HEPHL1: variants seen among roughly 807,000 people sequenced by gnomAD.
HEPHL1 encodes ferroxidase HEPHL1.
HEPHL1 carries 123 observed loss-of-function variants against 122.0 expected under a neutral mutation model. The ratio of observed to expected loss-of-function variants is 1.01; its 90% CI spans 0.87 to 1.17. The LOEUF is 1.17. HEPHL1 is among the 50% of genes most tolerant of loss of function. HEPHL1 has a pLI of 0.00. For synonymous variants in HEPHL1, 527 were observed against 508.9 expected, an observed-to-expected ratio of 1.04 and a Z score of -0.48; for missense variants, 1,452 against 1,430.5, an observed-to-expected ratio of 1.01 and a Z score of -0.24.
At position 94,038,090 on chromosome 11, in the gene HEPHL1, C is replaced by T. The variant is rs988887375; in HGVS notation, c.171-7583C>T. Among the ~76,000 whole-genome samples, 145 of 148,614 alleles carry T rather than the reference C, an allele frequency of 9.8e-4. 1 individual carries two copies. Among genetic ancestry groups the T allele is most frequent in the African/African-American group, 1.5e-3 (59 of 39,790 alleles). On this transcript the variant is annotated intron_variant, in intron 1 of 19. Transcript: ENST00000315765. Reference sequence around the variant, plus strand: ...TGAAGAATGCAGAAGCCTCAGGAGCCGATGCGATCGACTGGAAGAAAGGGT... The same window carrying T: ...TGAAGAATGCAGAAGCCTCAGGAGCTGATGCGATCGACTGGAAGAAAGGGT...
Position 94,096,724 on chromosome 11 carries a change from A to G in HEPHL1, c.2434+3084A>G, listed in dbSNP as rs538774131. ...CGTTATTGGTCTATTCAGTAATTCA[A>G]CTTCTTCCTGGTTTAGTCTTGGGAG... On this transcript the variant is annotated intron_variant, in intron 13 of 19. Transcript: ENST00000315765. Among the ~76,000 whole-genome samples, 3 of 152,268 alleles carry G rather than the reference A, an allele frequency of 2.0e-5. No individual in the cohort carries two copies. In the South Asian group the frequency reaches 6.2e-4, roughly 32 times the overall value.
At chr11:94,072,722 T>G (rs1424366788) in intron 6 of HEPHL1, among the ~76,000 whole-genome samples, 2 of 152,130 alleles carry the variant, frequency 1.3e-5, no homozygotes, top group East Asian at 3.8e-4. Context: ...TTTGTTACTT[T>G]GTAGAACACC....
At chr11:94,066,418 G>A (rs556690243) in intron 4 of HEPHL1, among the ~76,000 whole-genome samples, 1 of 152,102 alleles carries the variant, frequency 6.6e-6, no homozygotes, top group Non-Finnish European at 1.5e-5. Flanking sequence ...GCTGGTCATG[G>A]TGGTGGGCAC....
At chr11:94,103,128 A>T (rs1422908721) in intron 15 of HEPHL1, 108 bp downstream of exon 15, 2 of 706,164 alleles carry the variant, frequency 2.8e-6, no homozygotes, top group Middle Eastern at 2.3e-4. Flanking sequence ...AATGATTTAG[A>T]GCAAGGGTCT....
At chr11:94,036,126 T>C (rs529436745) in intron 1 of HEPHL1, among the ~76,000 whole-genome samples, 7 of 152,382 alleles carry the variant, frequency 4.6e-5, no homozygotes, top group Admixed American at 2.0e-4. Context: ...CTTAAGGGCG[T>C]ATTTCATTAG....
At chr11:94,054,117 T>C (rs755579700) in intron 2 of HEPHL1, among the ~76,000 whole-genome samples, 10 of 152,196 alleles carry the variant, frequency 6.6e-5, no homozygotes, top group Non-Finnish European at 1.2e-4. Flanking sequence ...CTGAGTGTCA[T>C]TTATTAACAA....
intron 6 of HEPHL1, among the ~76,000 whole-genome samples, chr11:94,072,174 G>A (rs918463716): frequency 4.6e-5 from 7 of 152,064 alleles, no homozygotes; most frequent in African/African-American, 1.4e-4. Flanking sequence ...TGACCATTAT[G>A]GCTTACTTTT....
intron 13 of HEPHL1, among the ~76,000 whole-genome samples, chr11:94,100,159 C>T (rs117061748): frequency 2.6e-5 from 4 of 152,056 alleles, no homozygotes; most frequent in African/African-American, 9.7e-5. Context: ...GGAACTACCC[C>T]CTAAGAATAT....
rs188937234 is a variant in HEPHL1, at chr11:94,112,282, T to C, written c.*388T>C. 1 of 157,358 alleles carries C rather than the reference T, an allele frequency of 6.4e-6. No homozygotes were observed. The highest frequency in any genetic ancestry group is 2.4e-5 in the African/African-American group (1 of 41,710). 9.7% of individuals were successfully genotyped at this position (157,358 alleles called of 1,614,324 possible). ...CTAGGTGAACAGCTTCTAGAAAAAG[T>C]TAGAGTGCCTCAGACATTTAACTGG... On this transcript the variant is annotated 3_prime_UTR_variant, in exon 20 of 20. Transcript: ENST00000315765.
At chr11:94,070,793 G>A (rs1388671594) in intron 6 of HEPHL1, among the ~76,000 whole-genome samples, 2 of 152,102 alleles carry the variant, frequency 1.3e-5, no homozygotes, top group African/African-American at 2.4e-5. Flanking sequence ...AACATTTCTT[G>A]AGTAGGCACT....
chr11:94,039,285 C>A (rs536375454), intron 1 of HEPHL1, among the ~76,000 whole-genome samples: 1,502 of 148,950 alleles, frequency 0.01, 26 homozygotes, highest in African/African-American at 0.035. Flanking sequence ...GACTTTAACA[C>A]CTCACTGTCA....
At chr11:94,067,898 C>T in intron 5 of HEPHL1, 148 bp downstream of exon 5, 3 of 664,868 alleles carry the variant, frequency 4.5e-6, no homozygotes, top group South Asian at 2.1e-5. Context: ...AAATATAACG[C>T]TCATCTCTTT....
chr11:94,063,556 T>TG lies in HEPHL1; in HGVS notation c.466dup (p.Val156GlyfsTer59), dbSNP rs759958897. ...TCTGGAAGGAACAAAAATGATGACATGGTTCCTCCTGGGAAAAACTACACC... is the reference window on the plus strand; with the variant it reads ...TCTGGAAGGAACAAAAATGATGACATGGGTTCCTCCTGGGAAAAACTACACC... On this transcript the variant is annotated frameshift_variant, in exon 3 of 20. Coordinates refer to ENST00000315765, the MANE Select transcript of HEPHL1 (RefSeq NM_001098672.2). LOFTEE classifies it high-confidence loss of function. 5.0e-6 allele frequency: 8 copies of TG among 1,613,470 alleles called. 1 individual carries two copies. In the Admixed American group the frequency reaches 1.3e-4, roughly 27 times the overall value.
Position 94,104,766 on chromosome 11 carries a change from A to G in HEPHL1, c.2905+16A>G, listed in dbSNP as rs1340659429. The stretch of plus-strand genomic sequence containing the variant: ...AGAATGCATGGTATATCCAAAGTTT[A>G]AAAAGAAGCCTATGTTGAGATAAGC... On this transcript the variant is annotated intron_variant, in intron 16 of 19. Coordinates refer to ENST00000315765, the MANE Select transcript of HEPHL1 (RefSeq NM_001098672.2). The G allele has an allele frequency of 6.4e-7, 1 of 1,571,490 alleles. No individual in the cohort carries two copies. Among genetic ancestry groups the G allele is most frequent in the East Asian group, 2.2e-5 (1 of 44,662 alleles).
chr11:94,088,957 A>G lies in HEPHL1; in HGVS notation c.2283A>G (p.Ala761=). The G allele has an allele frequency of 1.2e-6, 2 of 1,613,966 alleles. No individual in the cohort carries two copies. Among genetic ancestry groups the G allele is most frequent in the Non-Finnish European group, 1.7e-6 (2 of 1,179,862 alleles). Reference sequence around the variant, plus strand: ...AGTTCGAAAAGCAGCACGTGGACGCAAGAGGGGAAAGGTACCACAGGCGCC... The same window carrying G: ...AGTTCGAAAAGCAGCACGTGGACGCGAGAGGGGAAAGGTACCACAGGCGCC... ...NWEFEKQHVD[A]RGERHGDIFM... The change falls in exon 12 of 20, where the codon GCA becomes GCG. Residue 761 remains alanine, a synonymous_variant. Coordinates refer to ENST00000315765, the MANE Select transcript of HEPHL1 (RefSeq NM_001098672.2).
intron 13 of HEPHL1, among the ~76,000 whole-genome samples, chr11:94,096,700 G>T (rs1486489667): frequency 6.6e-6 from 1 of 152,156 alleles, no homozygotes; most frequent in African/African-American, 2.4e-5. Context: ...TTCAGAACAC[G>T]TTATTGGTCT....
chr11:94,091,169 T>C (rs1306849015), intron 12 of HEPHL1, among the ~76,000 whole-genome samples: 1 of 152,256 alleles, frequency 6.6e-6, no homozygotes, highest in Non-Finnish European at 1.5e-5. Flanking sequence ...AAACCTTATC[T>C]GACATAACCC....
At chr11:94,091,221 T>A (rs1471146797) in intron 12 of HEPHL1, among the ~76,000 whole-genome samples, 2 of 152,178 alleles carry the variant, frequency 1.3e-5, no homozygotes, top group East Asian at 1.9e-4. Context: ...TTGCTCAGCA[T>A]CTCTTGCACC....
At chr11:94,077,376 A>C (rs757705495) in intron 9 of HEPHL1, among the ~76,000 whole-genome samples, 5 of 151,984 alleles carry the variant, frequency 3.3e-5, no homozygotes, top group Non-Finnish European at 7.4e-5. Flanking sequence ...AATTTCTTTA[A>C]ATTTTTTTTA....
Sources: gnomAD v4.1 joint callset for allele counts (sites outside exome capture counted in the v4.1 genomes callset) on GRCh38, gnomAD v4.1.1 for gene constraint, MANE v1.5 for transcripts, NCBI Gene and HGNC (gene_info 2026-07-23, HGNC 2026-07-21) for gene names.